Variants in SHROOM3 observed in about 807,000 individuals in gnomAD.
SHROOM3 encodes the protein protein Shroom3.
In SHROOM3, 47 loss-of-function variants were observed where a neutral mutation model predicts 138.6. The ratio of observed to expected loss-of-function variants is 0.34; its 90% CI spans 0.27 to 0.43. SHROOM3 has a LOEUF of 0.43. Ranked by LOEUF, SHROOM3 falls within the 20% of genes least tolerant of loss-of-function variation. The pLI is 1.00. For missense variants in SHROOM3, 2,491 were observed against 2,596.5 expected (o/e 0.96, Z 0.88); for synonymous variants, 1,062 against 1,063.3 (o/e 1.00, Z 0.02).
At chr4:76,448,371 C>A (rs999257397) in intron 1 of SHROOM3, among the ~76,000 whole-genome samples, 3 of 152,142 alleles carry the variant, frequency 2.0e-5, no homozygotes, top group African/African-American at 4.8e-5. Flanking sequence ...TGCAACTGAC[C>A]CGTCCACATT....
At chr4:76,763,711 A>T (rs996303613) in intron 9 of SHROOM3, among the ~76,000 whole-genome samples, 11 of 152,356 alleles carry the variant, frequency 7.2e-5, no homozygotes, top group African/African-American at 2.6e-4. Flanking sequence ...GGATTTTATC[A>T]TATGACAATG....
intron 2 of SHROOM3, among the ~76,000 whole-genome samples, chr4:76,576,997 T>C (rs992147763): frequency 6.6e-6 from 1 of 152,156 alleles, no homozygotes; most frequent in Non-Finnish European, 1.5e-5. Flanking sequence ...TGATTATTCA[T>C]TGAACGTAAT....
At chr4:76,579,018 T>A (rs1199711963) in intron 2 of SHROOM3, among the ~76,000 whole-genome samples, 4 of 151,664 alleles carry the variant, frequency 2.6e-5, no homozygotes, top group African/African-American at 9.7e-5. Flanking sequence ...TTTTAAAAAA[T>A]TTAAAAAAAA....
At chr4:76,570,831 A>C (rs1238332044) in intron 2 of SHROOM3, among the ~76,000 whole-genome samples, 1 of 152,194 alleles carries the variant, frequency 6.6e-6, no homozygotes, top group African/African-American at 2.4e-5. Context: ...TGTGCAGACT[A>C]CGTGGGTGGT....
chr4:76,493,824 C>T (rs916048050), intron 1 of SHROOM3, among the ~76,000 whole-genome samples: 1 of 152,008 alleles, frequency 6.6e-6, no homozygotes, highest in Non-Finnish European at 1.5e-5. Context: ...ACTAAAAATA[C>T]AAAAATTAGC....
At chr4:76,617,980 G>A (rs1000434719) in intron 2 of SHROOM3, among the ~76,000 whole-genome samples, 3 of 152,176 alleles carry the variant, frequency 2.0e-5, no homozygotes, top group African/African-American at 7.2e-5. Flanking sequence ...ACAAGATGCT[G>A]GCAAGCATGA....
intron 1 of SHROOM3, among the ~76,000 whole-genome samples, chr4:76,507,176 CT>C (rs941089992): frequency 6.6e-6 from 1 of 152,104 alleles, no homozygotes; most frequent in African/African-American, 2.4e-5. Context: ...TTTTAATCAC[CT>C]TTGTTGGTCC....
intron 7 of SHROOM3, 30 bp from the exon 8 acceptor site, chr4:76,756,419 T>TCTCTC (rs1721816369): frequency 2.8e-5 from 27 of 976,064 alleles, no homozygotes; most frequent in Non-Finnish European, 3.6e-5. Flanking sequence ...CTCTCTCTCT[T>TCTCTC]TTTTTTTTTT....
intron 5 of SHROOM3, among the ~76,000 whole-genome samples, chr4:76,743,167 T>C (rs1721318291): frequency 6.6e-6 from 1 of 152,178 alleles, no homozygotes; most frequent in South Asian, 2.1e-4. Flanking sequence ...AAGATGGGCA[T>C]GATGACAAGA....
intron 3 of SHROOM3, among the ~76,000 whole-genome samples, chr4:76,719,292 C>T (rs1720468896): frequency 6.6e-6 from 1 of 152,164 alleles, no homozygotes; most frequent in Non-Finnish European, 1.5e-5. Context: ...TGCTATGGCA[C>T]AGAAAAACAG....
intron 1 of SHROOM3, among the ~76,000 whole-genome samples, chr4:76,449,024 C>T (rs1357210541): frequency 6.6e-6 from 1 of 152,154 alleles, no homozygotes; most frequent in African/African-American, 2.4e-5. Flanking sequence ...TTTCTCTTTT[C>T]TCCACAGAAT....
At chr4:76,733,988 T>C (rs1302655318) in intron 4 of SHROOM3, among the ~76,000 whole-genome samples, 1 of 152,164 alleles carries the variant, frequency 6.6e-6, no homozygotes, top group Non-Finnish European at 1.5e-5. Flanking sequence ...CCAGTGGTTC[T>C]AAAGTACTAA....
chr4:76,509,966 T>C (rs1732298678), intron 1 of SHROOM3, among the ~76,000 whole-genome samples: 1 of 152,136 alleles, frequency 6.6e-6, no homozygotes, highest in African/African-American at 2.4e-5. Context: ...TTTGGCAAAA[T>C]TGAGCAAATA....
intron 2 of SHROOM3, among the ~76,000 whole-genome samples, chr4:76,700,776 C>T (rs344119): frequency 6.6e-6 from 1 of 150,648 alleles, no homozygotes; most frequent in African/African-American, 2.5e-5. Flanking sequence ...TTCTTTCTTT[C>T]TTTTATTTAT....
At chr4:76,609,180 T>G (rs1306054753) in intron 2 of SHROOM3, among the ~76,000 whole-genome samples, 1 of 152,220 alleles carries the variant, frequency 6.6e-6, no homozygotes, top group Non-Finnish European at 1.5e-5. Flanking sequence ...AATGGAGAAG[T>G]GCAGTTATTT....
chr4:76,595,457 C>T (rs1205934593), intron 2 of SHROOM3, among the ~76,000 whole-genome samples: 1 of 152,190 alleles, frequency 6.6e-6, no homozygotes, highest in Non-Finnish European at 1.5e-5. Flanking sequence ...ATTTGTTCCT[C>T]ATGGTTGCAA....
chr4:76,659,641 G>A (rs963957232), intron 2 of SHROOM3, among the ~76,000 whole-genome samples: 13 of 152,266 alleles, frequency 8.5e-5, no homozygotes, highest in African/African-American at 2.9e-4. Flanking sequence ...AAGTGCTGTG[G>A]CATGACCTTG....
intron 2 of SHROOM3, among the ~76,000 whole-genome samples, chr4:76,690,733 A>G (rs1560592356): frequency 6.6e-6 from 1 of 152,304 alleles, no homozygotes; most frequent in South Asian, 2.1e-4. Flanking sequence ...CAATCGTTGC[A>G]GAAAAGGTGT....
chr4:76,450,363 T>G (rs950938216), intron 1 of SHROOM3, among the ~76,000 whole-genome samples: 1 of 152,130 alleles, frequency 6.6e-6, no homozygotes, highest in Admixed American at 6.5e-5. Flanking sequence ...AGTTACCATA[T>G]CACCCAACAG....
Sources: gnomAD v4.1 joint callset for allele counts (sites outside exome capture counted in the v4.1 genomes callset) on GRCh38, gnomAD v4.1.1 for gene constraint, MANE v1.5 for transcripts, NCBI Gene and HGNC (gene_info 2026-07-23, HGNC 2026-07-21) for gene names.